The following PCDH7 variants were observed in gnomAD, a reference collection of about 807,000 sequenced individuals.
The protein encoded by PCDH7 is protocadherin-7.
Under a neutral mutation model 58.9 loss-of-function variants are expected in PCDH7, and 17 were observed. The ratio of observed to expected loss-of-function variants is 0.29; its 90% CI spans 0.20 to 0.43. The LOEUF (loss-of-function observed/expected upper bound fraction) is 0.43. Ranked by LOEUF, PCDH7 falls within the 20% of genes least tolerant of loss-of-function variation. The probability of loss-of-function intolerance (pLI) is 1.00; values close to 1 mark genes in which losing one functional copy is unlikely to be tolerated. For missense variants in PCDH7, 1,274 were observed against 1,441.0 expected, an observed-to-expected ratio of 0.88 and a Z score of 1.88; for synonymous variants, 664 against 616.4, an observed-to-expected ratio of 1.08 and a Z score of -1.14.
chr4:30,946,854 C>A lies in PCDH7; in HGVS notation c.288-3266C>A, dbSNP rs568810117. ...CCTCCCAAGTAGCTGGGATTACAGG[C>A]GCCCACCACCATGCTTGGATAATTT... On this transcript the variant is annotated intron_variant, in intron 2 of 3. Transcript: ENST00000509759. Among the ~76,000 whole-genome samples the A allele has an allele frequency of 3.7e-4, 57 of 152,006 alleles. 1 individual carries two copies. The highest frequency in any genetic ancestry group is 1.3e-3 in the African/African-American group (54 of 41,492).
intron 2 of PCDH7, among the ~76,000 whole-genome samples, chr4:30,941,830 G>A (rs1746068607): frequency 6.6e-6 from 1 of 151,884 alleles, no homozygotes; most frequent in Non-Finnish European, 1.5e-5. Context: ...GCTAGGTGGA[G>A]TTAGAAACCT....
At chr4:30,972,036 T>C (rs1749634739) in intron 3 of PCDH7, among the ~76,000 whole-genome samples, 1 of 152,238 alleles carries the variant, frequency 6.6e-6, no homozygotes, top group South Asian at 2.1e-4. Context: ...GAGATGGCTT[T>C]ATTTATAATT....
intron 1 of PCDH7, among the ~76,000 whole-genome samples, chr4:30,901,044 C>A (rs1047274928): frequency 3.3e-4 from 50 of 152,226 alleles, no homozygotes; most frequent in African/African-American, 1.1e-3. Flanking sequence ...CATCCTGTTT[C>A]TGAACAAACT....
chr4:30,874,372 A>T (rs1197308210), intron 1 of PCDH7, among the ~76,000 whole-genome samples: 2 of 152,150 alleles, frequency 1.3e-5, no homozygotes, highest in African/African-American at 4.8e-5. Context: ...GCCATAAAAA[A>T]TGATGAGTTC....
chr4:31,097,452 T>TA, intron 3 of PCDH7, among the ~76,000 whole-genome samples: 1 of 130,126 alleles, frequency 7.7e-6, no homozygotes. Context: ...AGACTTCGTC[T>TA]AAAAAAGGAA....
chr4:31,076,953 G>T (rs1036707320), intron 3 of PCDH7, among the ~76,000 whole-genome samples: 1 of 152,020 alleles, frequency 6.6e-6, no homozygotes, highest in African/African-American at 2.4e-5. Context: ...CAAAATTTGA[G>T]ACTGGGCAGG....
rs73812539 is a variant in PCDH7 at position 31,120,635 on chromosome 4, A to C, written c.*8-21838A>C. On this transcript the variant is annotated intron_variant, in intron 3 of 3. Coordinates refer to the PCDH7 transcript ENST00000509759. Reference sequence around the variant, plus strand: ...TATATCTAGAAATTTGAGGTGCAGAATCTCATTTGTTCGCTGCAATGTCCA... The same window carrying C: ...TATATCTAGAAATTTGAGGTGCAGACTCTCATTTGTTCGCTGCAATGTCCA... 1.8e-3 allele frequency among the ~76,000 whole-genome samples: 277 copies of C among 152,146 alleles called. 1 individual carries two copies. Among genetic ancestry groups the C allele is most frequent in the African/African-American group, 6.4e-3 (265 of 41,506 alleles).
intron 1 of PCDH7, among the ~76,000 whole-genome samples, chr4:30,773,791 G>A (rs1186542933): frequency 2.0e-5 from 3 of 152,108 alleles, no homozygotes; most frequent in Non-Finnish European, 2.9e-5. Flanking sequence ...TATTCTGGGA[G>A]GGATTCCCTT....
At chr4:30,894,479 AAAAAAAAAAAAATATAT>A (rs1560476483) in intron 1 of PCDH7, among the ~76,000 whole-genome samples, 3 of 61,942 alleles carry the variant, frequency 4.8e-5, no homozygotes, top group African/African-American at 7.6e-5. Context: ...AAAAAAAAAA[AAAAAAAAAAAAATATAT>A]ATATATATAT....
chr4:30,727,735 A>G (rs892303810), intron 1 of PCDH7, among the ~76,000 whole-genome samples: 1 of 151,944 alleles, frequency 6.6e-6, no homozygotes, highest in Non-Finnish European at 1.5e-5. Flanking sequence ...ACATAAAGGC[A>G]TACGCATTCT....
chr4:30,802,511 G>C (rs547970335), intron 1 of PCDH7, among the ~76,000 whole-genome samples: 27 of 152,186 alleles, frequency 1.8e-4, no homozygotes, highest in African/African-American at 5.5e-4. Flanking sequence ...ACAAGATCCT[G>C]TCAGAGGCAG....
chr4:31,086,564 A>G (rs972744181), intron 3 of PCDH7, among the ~76,000 whole-genome samples: 10 of 152,202 alleles, frequency 6.6e-5, no homozygotes, highest in South Asian at 2.1e-4. Flanking sequence ...GGTATATTAT[A>G]TGGTATGTAC....
chr4:31,079,826 A>G (rs999508751), intron 3 of PCDH7, among the ~76,000 whole-genome samples: 7 of 152,136 alleles, frequency 4.6e-5, no homozygotes, highest in Non-Finnish European at 7.4e-5. Flanking sequence ...GATTCATACA[A>G]TGTAGAATTC....
chr4:30,967,526 G>A (rs1489102077), intron 3 of PCDH7, among the ~76,000 whole-genome samples: 2 of 152,052 alleles, frequency 1.3e-5, no homozygotes, highest in African/African-American at 4.8e-5. Context: ...GGCAAACATA[G>A]ACAATTGTAT....
At position 30,858,692 on chromosome 4, in the gene PCDH7, G is replaced by C. The variant is rs542615378; in HGVS notation, c.71-61461G>C. ...TGGTAGGCAAGAGTAGCAAAAGCCT[G>C]TGTATACATAAGCAGGTTAATGAGC... On this transcript the variant is annotated intron_variant, in intron 1 of 3. Coordinates refer to the PCDH7 transcript ENST00000509759. Among the ~76,000 whole-genome samples the C allele has an allele frequency of 2.0e-4, 30 of 152,276 alleles. 2 individuals are homozygous for C. The South Asian group carries it at 6.0e-3, about 31-fold the overall frequency.
At chr4:31,126,411 C>T (rs1386312353) in intron 3 of PCDH7, among the ~76,000 whole-genome samples, 1 of 152,234 alleles carries the variant, frequency 6.6e-6, no homozygotes, top group African/African-American at 2.4e-5. Flanking sequence ...CTGCTCACCT[C>T]AGCCTCTCAA....
At chr4:30,779,404 T>C (rs928852657) in intron 1 of PCDH7, among the ~76,000 whole-genome samples, 3 of 152,174 alleles carry the variant, frequency 2.0e-5, no homozygotes, top group African/African-American at 7.2e-5. Flanking sequence ...AATATTTAAA[T>C]ATGTTCATAT....
chr4:30,739,685 T>A (rs1056350489), intron 1 of PCDH7, among the ~76,000 whole-genome samples: 11 of 152,188 alleles, frequency 7.2e-5, no homozygotes, highest in Non-Finnish European at 1.5e-4. Context: ...TGTATGTATT[T>A]ATGTGTAGTG....
chr4:30,964,561 G>A (rs1748816644), intron 3 of PCDH7, among the ~76,000 whole-genome samples: 1 of 151,662 alleles, frequency 6.6e-6, no homozygotes, highest in Admixed American at 6.6e-5. Flanking sequence ...ATTTATTTGG[G>A]GACTTACTGA....
Sources: gnomAD v4.1 joint callset for allele counts (sites outside exome capture counted in the v4.1 genomes callset) on GRCh38, gnomAD v4.1.1 for gene constraint, MANE v1.5 for transcripts, NCBI Gene and HGNC (gene_info 2026-07-23, HGNC 2026-07-21) for gene names.